Variants in FAAH2 observed in about 807,000 individuals in gnomAD.
FAAH2 encodes fatty-acid amide hydrolase 2.
A neutral mutation model predicts 36.9 loss-of-function variants in FAAH2; 60 were observed. The ratio of observed to expected loss-of-function variants is 1.63; its 90% CI spans 1.32 to 2.02. The LOEUF is 2.02. FAAH2 is among the 30% of genes most tolerant of loss of function. The pLI, the probability that FAAH2 is intolerant of heterozygous loss-of-function variation, is 0.00. For missense variants in FAAH2, 689 were observed against 397.5 expected (o/e 1.73, Z -6.23); for synonymous variants, 214 against 143.8 (o/e 1.49, Z -3.49).
chrX:57,202,251 C>T, the FAAH2 span, among the ~76,000 whole-genome samples: 1 of 111,919 alleles, frequency 8.9e-6, no homozygotes, highest in African/African-American at 3.3e-5. Flanking sequence ...GCAGTCCTCT[C>T]TTTCTGGGCT....
chrX:57,483,300 CT>C (rs1404235666), intron 10 of FAAH2, among the ~76,000 whole-genome samples: 3 of 111,333 alleles, frequency 2.7e-5, no homozygotes, highest in Non-Finnish European at 5.7e-5. Flanking sequence ...TTGGTCTAGT[CT>C]ATTATTAAAG....
At chrX:57,384,126 G>A (rs2054940055) in intron 7 of FAAH2, among the ~76,000 whole-genome samples, 1 of 110,369 alleles carries the variant, frequency 9.1e-6, no homozygotes, top group Non-Finnish European at 1.9e-5. Flanking sequence ...GCCATATGTA[G>A]AAAGCTGAAA....
At chrX:57,429,609 T>G (rs2147105841) in intron 7 of FAAH2, among the ~76,000 whole-genome samples, 1 of 111,726 alleles carries the variant, frequency 9.0e-6, no homozygotes, top group African/African-American at 3.2e-5. Flanking sequence ...AACTTGTAAT[T>G]AATACAATAC....
chrX:57,469,262 T>A (rs972604942), intron 10 of FAAH2, among the ~76,000 whole-genome samples: 2 of 111,871 alleles, frequency 1.8e-5, no homozygotes, highest in Non-Finnish European at 3.8e-5. Flanking sequence ...TAACCTTAAA[T>A]GTCAATGGGC....
chrX:57,361,594 C>T lies in FAAH2; in HGVS notation c.743-17057C>T, dbSNP rs184565087. 4.4e-3 allele frequency among the ~76,000 whole-genome samples: 494 copies of T among 111,046 alleles called. 3 individuals are homozygous for T. The highest frequency in any genetic ancestry group is 0.019 in the Middle Eastern group (4 of 216). ...AATTTTCATGTATTTGTTTAGTCTC[C>T]AAAATTCCTCTTGTTATTGATTTCC... On this transcript the variant is annotated intron_variant, in intron 5 of 10. Coordinates refer to ENST00000374900, the MANE Select transcript of FAAH2 (RefSeq NM_174912.4).
the FAAH2 span, among the ~76,000 whole-genome samples, chrX:57,196,338 GA>G: frequency 8.9e-5 from 10 of 111,908 alleles, no homozygotes; most frequent in Non-Finnish European, 1.7e-4. Flanking sequence ...GAAAGTGATT[GA>G]GTTCTTGATT....
At chrX:57,481,301 T>C (rs928079579) in intron 10 of FAAH2, among the ~76,000 whole-genome samples, 3 of 110,798 alleles carry the variant, frequency 2.7e-5, no homozygotes, top group African/African-American at 9.9e-5. Context: ...GGAGTTGCAA[T>C]CTTTTGGAGA....
At chrX:57,233,237 G>A in the FAAH2 span, among the ~76,000 whole-genome samples, 2 of 111,371 alleles carry the variant, frequency 1.8e-5, no homozygotes, top group Non-Finnish European at 3.8e-5. Flanking sequence ...GTGTGGGAGA[G>A]TTGGCATTTT....
the FAAH2 span, among the ~76,000 whole-genome samples, chrX:57,168,673 CAACTTCATCA>C: frequency 9.0e-6 from 1 of 111,588 alleles, no homozygotes; most frequent in Non-Finnish European, 1.9e-5. Context: ...TATGAGGAGA[CAACTTCATCA>C]ACTGCAGTAC....
At position 57,469,890 on chromosome X, in the gene FAAH2, A is replaced by G. The variant is rs755250546; in HGVS notation, c.1424-18867A>G. Among the ~76,000 whole-genome samples the G allele has an allele frequency of 1.9e-4, 21 of 111,981 alleles. No homozygotes were observed. The East Asian group carries it at 4.8e-3, about 26-fold the overall frequency. ...CAAATGTAAAAGAACAGAAATTATA[A>G]CAAACTGTCTCTTAGATCACAGTGC... On this transcript the variant is annotated intron_variant, in intron 10 of 10. Transcript: ENST00000374900.
chrX:57,206,398 G>A, the FAAH2 span, among the ~76,000 whole-genome samples: 2 of 111,874 alleles, frequency 1.8e-5, no homozygotes, highest in African/African-American at 3.2e-5. Flanking sequence ...ATTTTATCAG[G>A]AGCTATAATT....
At chrX:57,442,600 C>T (rs192920923) in intron 8 of FAAH2, among the ~76,000 whole-genome samples, 9 of 111,852 alleles carry the variant, frequency 8.0e-5, no homozygotes, top group African/African-American at 2.9e-4. Context: ...GAGCATTTAG[C>T]CCATTTACAT....
intron 5 of FAAH2, among the ~76,000 whole-genome samples, chrX:57,359,530 T>A (rs2054237781): frequency 1.8e-5 from 2 of 111,790 alleles, no homozygotes; most frequent in South Asian, 7.4e-4. Flanking sequence ...CTGTCCCAAA[T>A]AATATATATT....
intron 10 of FAAH2, among the ~76,000 whole-genome samples, chrX:57,472,265 C>T (rs1037863490): frequency 8.0e-5 from 9 of 112,024 alleles, no homozygotes; most frequent in Non-Finnish European, 1.7e-4. Context: ...TACTAAGGCG[C>T]TTCTGCACAG....
At chrX:57,439,373 T>A (rs1296388817) in intron 8 of FAAH2, among the ~76,000 whole-genome samples, 3 of 112,163 alleles carry the variant, frequency 2.7e-5, no homozygotes, top group African/African-American at 9.7e-5. Context: ...CATTTTTTCA[T>A]GTGTTTTTTG....
the FAAH2 span, among the ~76,000 whole-genome samples, chrX:57,276,150 T>G: frequency 8.9e-6 from 1 of 111,761 alleles, no homozygotes; most frequent in Non-Finnish European, 1.9e-5. Context: ...ACACTTATTC[T>G]AAAAATGACC....
At chrX:57,246,041 G>A in the FAAH2 span, among the ~76,000 whole-genome samples, 1 of 111,314 alleles carries the variant, frequency 9.0e-6, no homozygotes, top group Non-Finnish European at 1.9e-5. Flanking sequence ...TGCTATAGGG[G>A]ATAAACTACT....
rs1184914595 is a variant in FAAH2, at chrX:57,351,442, GA to G, written c.742+10054del. The stretch of plus-strand genomic sequence containing the variant: ...GCATATTAAGCAACTAGAAAAGCCT[GA>G]ACTAATCAAGATTACATTTAGCAGA... On this transcript the variant is annotated intron_variant, in intron 5 of 10. Coordinates refer to ENST00000374900, the MANE Select transcript of FAAH2 (RefSeq NM_174912.4). Among the ~76,000 whole-genome samples, 3 of 110,833 alleles carry G rather than the reference GA, an allele frequency of 2.7e-5. No homozygotes were observed. The East Asian group carries it at 8.5e-4, about 31-fold the overall frequency.
At chrX:57,302,138 T>G (rs748986316) in intron 2 of FAAH2, among the ~76,000 whole-genome samples, 2 of 111,652 alleles carry the variant, frequency 1.8e-5, no homozygotes, top group South Asian at 7.5e-4. Flanking sequence ...CACGGCAAAC[T>G]TTCTGGGAGC....
Sources: allele counts gnomAD v4.1 joint callset (sites outside exome capture counted in the v4.1 genomes callset), GRCh38; gene constraint gnomAD v4.1.1; transcripts MANE v1.5; gene names NCBI Gene and HGNC (gene_info 2026-07-23, HGNC 2026-07-21).